COL19A1: variants seen among roughly 807,000 people sequenced by gnomAD.
COL19A1 encodes collagen type XIX alpha 1 chain, also known as collagen alpha-1(XIX) chain.
A neutral mutation model predicts 190.2 loss-of-function variants in COL19A1; 159 were observed. The ratio of observed to expected loss-of-function variants is 0.84; its 90% CI spans 0.73 to 0.95. The LOEUF (loss-of-function observed/expected upper bound fraction) is 0.95, where lower values mean the gene tolerates loss of function less well. Among genes scored for constraint, COL19A1 ranks in the 40% least tolerant of loss-of-function variants. The probability of loss-of-function intolerance (pLI) is 0.00; values close to 1 mark genes in which losing one functional copy is unlikely to be tolerated. For synonymous variants in COL19A1, 509 were observed against 458.9 expected (o/e 1.11, Z -1.39); for missense variants, 1,418 against 1,431.9 (o/e 0.99, Z 0.16).
In COL19A1 at chr6:70,059,972, T is replaced by C. The variant is rs548232470; in HGVS notation, c.1171-8451T>C. 2.0e-5 allele frequency among the ~76,000 whole-genome samples: 3 copies of C among 152,152 alleles called. No individual in the cohort carries two copies. The South Asian group carries it at 6.2e-4, about 32-fold the overall frequency. On this transcript the variant is annotated intron_variant, in intron 14 of 50. Transcript: ENST00000620364. ...TGCAAATGTGTGGTGTGTACAAAGA[T>C]AATTAAGACTATGATTCTCTAACTG... is the stretch of plus-strand genomic sequence containing the variant.
chr6:70,033,660 T>C (rs1779191691), intron 12 of COL19A1, among the ~76,000 whole-genome samples: 1 of 152,090 alleles, frequency 6.6e-6, no homozygotes, highest in Admixed American at 6.6e-5. Context: ...TCTGTATATG[T>C]CATATATAGT....
chr6:70,036,108 A>G (rs1374532605), intron 14 of COL19A1, among the ~76,000 whole-genome samples, 169 bp downstream of exon 14: 1 of 152,252 alleles, frequency 6.6e-6, no homozygotes, highest in Non-Finnish European at 1.5e-5. Flanking sequence ...TCTGCCCACA[A>G]CAGTGAAATA....
rs566191235 is a variant in COL19A1 at position 70,167,942 on chromosome 6, G to A, written c.2446-83G>A. 11 of 993,526 alleles carry A rather than the reference G, an allele frequency of 1.1e-5. No individual in the cohort carries two copies. The Admixed American group carries it at 2.3e-4, about 20-fold the overall frequency. 61.5% of individuals were successfully genotyped at this position (993,526 alleles called of 1,614,324 possible). ...AAAAGTAAAAAATAGAATAGGAATA[G>A]TATCATTTGGTAAAATGATAAAATG... On this transcript the variant is annotated intron_variant, in intron 37 of 50. Coordinates refer to ENST00000620364, the MANE Select transcript of COL19A1 (RefSeq NM_001858.6).
At chr6:70,050,664 G>A (rs1000718938) in intron 14 of COL19A1, among the ~76,000 whole-genome samples, 26 of 152,032 alleles carry the variant, frequency 1.7e-4, no homozygotes, top group Non-Finnish European at 3.4e-4. Context: ...ATAATGAGGA[G>A]GAGATTCCCT....
intron 14 of COL19A1, among the ~76,000 whole-genome samples, chr6:70,046,372 T>C (rs978913519): frequency 1.3e-5 from 2 of 152,164 alleles, no homozygotes; most frequent in Non-Finnish European, 2.9e-5. Flanking sequence ...CCCCAGGTAA[T>C]TAAATAAAAC....
At chr6:70,133,600 G>C (rs144206887) in intron 18 of COL19A1, among the ~76,000 whole-genome samples, 1 of 152,272 alleles carries the variant, frequency 6.6e-6, no homozygotes, top group East Asian at 1.9e-4. Flanking sequence ...TAGCCCTCCT[G>C]AGAAAATAGC....
At chr6:70,127,330 G>A (rs1199827830) in intron 17 of COL19A1, among the ~76,000 whole-genome samples, 1 of 152,140 alleles carries the variant, frequency 6.6e-6, no homozygotes, top group Admixed American at 6.5e-5. Context: ...GTATTTCTCT[G>A]ATCTTATGTA....
At chr6:69,927,850 A>G (rs1224083652) in intron 4 of COL19A1, 59 bp from the exon 5 acceptor site, 17 of 1,558,442 alleles carry the variant, frequency 1.1e-5, no homozygotes, top group Non-Finnish European at 1.4e-5. Context: ...TTATACCTAG[A>G]TTTTATTTTC....
At chr6:70,176,064 T>C (rs1765785536) in intron 41 of COL19A1, among the ~76,000 whole-genome samples, 1 of 152,198 alleles carries the variant, frequency 6.6e-6, no homozygotes, top group Non-Finnish European at 1.5e-5. Flanking sequence ...AAATGAGAAC[T>C]ACAAATCATT....
chr6:70,116,430 A>C (rs1784581464), intron 16 of COL19A1, among the ~76,000 whole-genome samples: 1 of 152,204 alleles, frequency 6.6e-6, no homozygotes, highest in Non-Finnish European at 1.5e-5. Context: ...TAAAAGGATC[A>C]AAACTCCTTG....
chr6:70,040,882 A>G (rs1165086110), intron 14 of COL19A1, among the ~76,000 whole-genome samples: 1 of 152,218 alleles, frequency 6.6e-6, no homozygotes, highest in East Asian at 1.9e-4. Context: ...TATTTTGTAG[A>G]CTTTCCAGAT....
At chr6:70,169,474 T>C (rs1028347986) in intron 40 of COL19A1, among the ~76,000 whole-genome samples, 4 of 152,204 alleles carry the variant, frequency 2.6e-5, no homozygotes, top group African/African-American at 9.6e-5. Context: ...CTTTTCATTA[T>C]AGTACAGTTT....
chr6:70,105,226 C>T (rs750722684), intron 16 of COL19A1, among the ~76,000 whole-genome samples: 6 of 152,110 alleles, frequency 3.9e-5, no homozygotes, highest in Non-Finnish European at 5.9e-5. Context: ...GGCATGATCT[C>T]GGCTCACTGC....
intron 11 of COL19A1, among the ~76,000 whole-genome samples, chr6:70,006,474 T>A (rs1777633214): frequency 6.6e-6 from 1 of 152,194 alleles, no homozygotes; most frequent in South Asian, 2.1e-4. Flanking sequence ...GCCAGTCACC[T>A]AGTCAGTTCT....
intron 4 of COL19A1, among the ~76,000 whole-genome samples, chr6:69,907,158 C>A (rs1770613552): frequency 6.9e-6 from 1 of 145,216 alleles, no homozygotes; most frequent in South Asian, 2.2e-4. Context: ...AACAGAGTCT[C>A]CAGCTCTGTT....
At chr6:69,884,116 C>G (rs1049443127) in intron 2 of COL19A1, among the ~76,000 whole-genome samples, 1 of 151,936 alleles carries the variant, frequency 6.6e-6, no homozygotes, top group East Asian at 1.9e-4. Flanking sequence ...AGGCGGATTG[C>G]CTGAGGTCAG....
intron 48 of COL19A1, among the ~76,000 whole-genome samples, chr6:70,198,532 G>C (rs1438269777): frequency 6.6e-6 from 1 of 152,072 alleles, no homozygotes; most frequent in Non-Finnish European, 1.5e-5. Context: ...TCATATATTA[G>C]ATTTTTTAAA....
chr6:69,913,179 A>G (rs906298610), intron 4 of COL19A1, among the ~76,000 whole-genome samples: 1 of 152,186 alleles, frequency 6.6e-6, no homozygotes, highest in African/African-American at 2.4e-5. Flanking sequence ...CCACAATAAG[A>G]ATGTAAAGTT....
chr6:69,977,652 C>A (rs1321890786), intron 11 of COL19A1, among the ~76,000 whole-genome samples: 1 of 151,544 alleles, frequency 6.6e-6, no homozygotes, highest in African/African-American at 2.4e-5. Flanking sequence ...TGGCATTTCC[C>A]AGGAATTTCT....
Sources: allele counts gnomAD v4.1 joint callset (sites outside exome capture counted in the v4.1 genomes callset), GRCh38; gene constraint gnomAD v4.1.1; transcripts MANE v1.5; gene names NCBI Gene and HGNC (gene_info 2026-07-23, HGNC 2026-07-21).